Variants in MTUS1 observed in about 807,000 individuals in gnomAD.
MTUS1 encodes microtubule-associated tumor suppressor 1.
A neutral mutation model predicts 120.8 loss-of-function variants in MTUS1; 109 were observed. The ratio of observed to expected loss-of-function variants is 0.90; its 90% CI spans 0.77 to 1.06. MTUS1 has a LOEUF of 1.06. Ranked by LOEUF, MTUS1 falls within the 50% of genes least tolerant of loss-of-function variation. The pLI, the probability that MTUS1 is intolerant of heterozygous loss-of-function variation, is 0.00. For missense variants in MTUS1, 2,210 were observed against 1,486.3 expected (o/e 1.49, Z -8.01); for synonymous variants, 737 against 550.5 (o/e 1.34, Z -4.74).
chr8:17,763,014 C>T lies in MTUS1; in HGVS notation c.-154-7053G>A, dbSNP rs189120956. Among the ~76,000 whole-genome samples the T allele has an allele frequency of 3.6e-3, 534 of 147,634 alleles. 5 individuals carry two copies. Among genetic ancestry groups the T allele is most frequent in the Admixed American group, 0.025 (375 of 14,836 alleles). On this transcript the variant is annotated intron_variant, in intron 1 of 14. Coordinates refer to ENST00000693296, the MANE Select transcript of MTUS1 (RefSeq NM_001363059.2). ...AATGGTACCTTTTTTTTTTTTGAGA[C>T]GAAGTCTTGCTCTATCCCCCAGGCT...
intron 2 of MTUS1, among the ~76,000 whole-genome samples, chr8:17,746,645 A>C (rs998322467): frequency 6.6e-6 from 1 of 152,126 alleles, no homozygotes; most frequent in Non-Finnish European, 1.5e-5. Flanking sequence ...GGTCCCTCCC[A>C]CAATATGTGG....
chr8:17,675,722 G>GA (rs1284210104), intron 7 of MTUS1, among the ~76,000 whole-genome samples: 13 of 152,080 alleles, frequency 8.5e-5, no homozygotes, highest in Middle Eastern at 3.2e-3. Context: ...CCTTCTAAAA[G>GA]AAAGACAAAA....
chr8:17,663,073 T>C (rs748710121), intron 8 of MTUS1, among the ~76,000 whole-genome samples: 6 of 138,182 alleles, frequency 4.3e-5, no homozygotes, highest in Non-Finnish European at 8.1e-5. Flanking sequence ...AAAAAAATCG[T>C]AATCAGTGAA....
chr8:17,652,625 T>C (rs1807259885), intron 12 of MTUS1, among the ~76,000 whole-genome samples: 1 of 152,048 alleles, frequency 6.6e-6, no homozygotes, highest in Non-Finnish European at 1.5e-5. Context: ...TTTTACATGT[T>C]AAAAGAGTGA....
At chr8:17,762,037 T>A (rs546631938) in intron 1 of MTUS1, among the ~76,000 whole-genome samples, 2 of 152,294 alleles carry the variant, frequency 1.3e-5, no homozygotes, top group South Asian at 4.1e-4. Flanking sequence ...ACCAAGACTT[T>A]GGGAAGCCGA....
At chr8:17,657,345 G>A (rs1242910766) in intron 8 of MTUS1, among the ~76,000 whole-genome samples, 2 of 151,608 alleles carry the variant, frequency 1.3e-5, no homozygotes, top group East Asian at 2.0e-4. Flanking sequence ...GAGGCGGGCG[G>A]ATCACGAGGT....
chr8:17,662,903 G>C (rs931051244), intron 8 of MTUS1, among the ~76,000 whole-genome samples: 2 of 150,976 alleles, frequency 1.3e-5, no homozygotes, highest in Non-Finnish European at 2.9e-5. Context: ...GGAAGGAGAA[G>C]AAGGAAAGGA....
Position 17,754,264 on chromosome 8 carries a change from A to C in MTUS1, c.1544T>G (p.Met515Arg). Residue 515 changes from methionine to arginine, a missense_variant, in exon 2 of 15, where the codon ATG becomes AGG. Physicochemically the swap from Met to Arg is moderately conservative, Grantham distance 91 (BLOSUM62 -1). Coordinates refer to ENST00000693296, the MANE Select transcript of MTUS1 (RefSeq NM_001363059.2). ...PNFKNVKAKV[M>R]SRAVLQPKDA... ...TTTGGGCTGCAACACTGCTCTAGACATAACTTTTGCTTTGACATTCTTGAA... is the reference window on the plus strand; with the variant it reads ...TTTGGGCTGCAACACTGCTCTAGACCTAACTTTTGCTTTGACATTCTTGAA... 5 of 1,614,178 alleles carry C rather than the reference A, an allele frequency of 3.1e-6. No individual in the cohort carries two copies. The highest frequency in any genetic ancestry group is 4.2e-6 in the Non-Finnish European group (5 of 1,180,044).
At chr8:17,712,129 G>A (rs1821425005) in intron 6 of MTUS1, among the ~76,000 whole-genome samples, 1 of 152,212 alleles carries the variant, frequency 6.6e-6, no homozygotes, top group African/African-American at 2.4e-5. Context: ...AGCAACTGCT[G>A]TTGGAAAAAT....
intron 12 of MTUS1, among the ~76,000 whole-genome samples, 181 bp downstream of exon 12, chr8:17,653,005 G>A (rs1364807329): frequency 1.3e-5 from 2 of 152,048 alleles, no homozygotes; most frequent in African/African-American, 4.8e-5. Flanking sequence ...CAGATTTTAG[G>A]ATGGTAAAAC....
Position 17,754,421 on chromosome 8 carries a change from T to G in MTUS1, c.1387A>C (p.Asn463His). ...GGTGCCTCCTTCGAGTCTGGTATGT[T>G]TTTAAGCCCTCGATTACCCTTCTCC... ...KVEKGNRGLK[N>H]IPDSKEAPVN... The change falls in exon 2 of 15, where the codon AAC becomes CAC. Residue 463 changes from asparagine (N) to histidine (H), a missense_variant. Asn to His is a moderately conservative substitution (Grantham distance 68, BLOSUM62 1). Coordinates refer to ENST00000693296, the MANE Select transcript of MTUS1 (RefSeq NM_001363059.2). The G allele has an allele frequency of 6.2e-7, 1 of 1,614,200 alleles. No homozygotes were observed. Among genetic ancestry groups the G allele is most frequent in the Non-Finnish European group, 8.5e-7 (1 of 1,180,026 alleles).
At chr8:17,783,518 G>A (rs1276764012) in intron 1 of MTUS1, among the ~76,000 whole-genome samples, 1 of 151,548 alleles carries the variant, frequency 6.6e-6, no homozygotes, top group African/African-American at 2.4e-5. Context: ...AGGAGATGAT[G>A]TAATTTTTTT....
At chr8:17,693,395 A>T (rs1817338692) in intron 6 of MTUS1, 1 of 152,138 alleles carries the variant, frequency 6.6e-6, no homozygotes, top group African/African-American at 2.4e-5. Context: ...CCTCGATCCA[A>T]CAACACGCTT....
intron 3 of MTUS1, among the ~76,000 whole-genome samples, chr8:17,728,126 C>T (rs1354772358): frequency 1.3e-5 from 2 of 152,082 alleles, no homozygotes; most frequent in Non-Finnish European, 2.9e-5. Flanking sequence ...GGTAGAATGG[C>T]GCTTGCCAGG....
At position 17,653,276 on chromosome 8, in the gene MTUS1, T is replaced by G. The variant is rs913370426; in HGVS notation, c.3294A>C (p.Gln1098His). ...CATTTTCACTCTTCAGATCATTGAT[T>G]TGCTTCTAAAACACAATGAAATGTG... ...LSEKQESLEK[Q>H]INDLKSENDA... Residue 1098 changes from glutamine (Q) to histidine (H), a missense_variant, in exon 12 of 15, where the codon CAA becomes CAC. Physicochemically the swap from Gln to His is conservative, Grantham distance 24. Transcript: ENST00000693296. The G allele has an allele frequency of 5.2e-6, 8 of 1,552,994 alleles. No individual in the cohort carries two copies. Among genetic ancestry groups the G allele is most frequent in the African/African-American group, 1.4e-5 (1 of 72,176 alleles).
At chr8:17,797,439 TAA>T (rs1278272063) in intron 1 of MTUS1, among the ~76,000 whole-genome samples, 2 of 54,246 alleles carry the variant, frequency 3.7e-5, no homozygotes, top group African/African-American at 7.2e-5. Flanking sequence ...TAAAATAAAA[TAA>T]AAAGTTAGAA....
chr8:17,766,234 A>C (rs1341739555), intron 1 of MTUS1, among the ~76,000 whole-genome samples: 1 of 152,210 alleles, frequency 6.6e-6, no homozygotes, highest in East Asian at 1.9e-4. Context: ...GCAATTTTAA[A>C]AAGAACAGAA....
At chr8:17,659,760 GGT>G (rs1406793023) in intron 8 of MTUS1, among the ~76,000 whole-genome samples, 1 of 152,098 alleles carries the variant, frequency 6.6e-6, no homozygotes, top group Non-Finnish European at 1.5e-5. Flanking sequence ...ATTATTTTTA[GGT>G]GTATGATTCA....
chr8:17,799,165 C>A (rs186901898), intron 1 of MTUS1, among the ~76,000 whole-genome samples: 15 of 152,256 alleles, frequency 9.9e-5, no homozygotes, highest in African/African-American at 3.6e-4. Context: ...ATCTTCCAAC[C>A]ATCAACTGTA....
Sources: allele counts gnomAD v4.1 joint callset (sites outside exome capture counted in the v4.1 genomes callset), GRCh38; gene constraint gnomAD v4.1.1; transcripts MANE v1.5; gene names NCBI Gene and HGNC (gene_info 2026-07-23, HGNC 2026-07-21).